Variants in MINDY2 observed in about 807,000 individuals in gnomAD.
MINDY2 encodes ubiquitin carboxyl-terminal hydrolase MINDY-2.
MINDY2 carries 52 observed loss-of-function variants against 68.2 expected under a neutral mutation model. The ratio of observed to expected loss-of-function variants is 0.76; its 90% CI spans 0.61 to 0.96. The LOEUF (loss-of-function observed/expected upper bound fraction) is 0.96. MINDY2 is among the 40% of genes least tolerant of loss of function. The pLI is 0.00. For synonymous variants in MINDY2, 372 were observed against 303.0 expected (o/e 1.23, Z -2.36); for missense variants, 881 against 773.4 (o/e 1.14, Z -1.65).
intron 3 of MINDY2, among the ~76,000 whole-genome samples, chr15:58,809,218 A>G (rs80076887): frequency 0.023 from 3,490 of 152,192 alleles, 44 homozygotes; most frequent in Middle Eastern, 0.037. Flanking sequence ...TATTCATCAA[A>G]CAACCCCCCT....
intron 1 of MINDY2, among the ~76,000 whole-genome samples, chr15:58,776,720 C>A (rs1486784527): frequency 6.6e-6 from 1 of 152,040 alleles, no homozygotes; most frequent in African/African-American, 2.4e-5. Flanking sequence ...GAGACAAGGT[C>A]ACGTTAAGAT....
intron 1 of MINDY2, among the ~76,000 whole-genome samples, chr15:58,780,891 C>G (rs1412724243): frequency 6.6e-6 from 1 of 152,090 alleles, no homozygotes; most frequent in Non-Finnish European, 1.5e-5. Context: ...TAGTAGCCTT[C>G]AAAATGGTCT....
chr15:58,792,521 G>A (rs192301832), intron 2 of MINDY2, among the ~76,000 whole-genome samples: 1 of 152,118 alleles, frequency 6.6e-6, no homozygotes, highest in Non-Finnish European at 1.5e-5. Context: ...CAGAAGAATC[G>A]CTTGAACCCG....
intron 2 of MINDY2, among the ~76,000 whole-genome samples, chr15:58,788,658 T>A (rs1901667789): frequency 6.6e-6 from 1 of 152,206 alleles, no homozygotes; most frequent in Admixed American, 6.6e-5. Context: ...ATTTATATAT[T>A]TATACTATCA....
chr15:58,850,386 G>A (rs1172293648), intron 7 of MINDY2, among the ~76,000 whole-genome samples: 1 of 152,108 alleles, frequency 6.6e-6, no homozygotes, highest in Non-Finnish European at 1.5e-5. Flanking sequence ...AAACATTACA[G>A]TAGTTTCACA....
chr15:58,802,488 T>C lies in MINDY2; in HGVS notation c.963+111T>C, dbSNP rs1902733919. On this transcript the variant is annotated intron_variant, in intron 3 of 8. Coordinates refer to ENST00000559228, the MANE Select transcript of MINDY2 (RefSeq NM_001040450.3). ...ATAAAGGATTAGATAGTAAACACTTTAGACTTTGCAAGCCACATGTGGTCA... is the reference window on the plus strand; with the variant it reads ...ATAAAGGATTAGATAGTAAACACTTCAGACTTTGCAAGCCACATGTGGTCA... 8.0e-6 allele frequency: 5 copies of C among 623,346 alleles called. No homozygotes were observed. The Admixed American group carries it at 1.1e-4, about 14-fold the overall frequency. 38.6% of individuals were successfully genotyped at this position (623,346 alleles called of 1,614,324 possible). A position where few individuals can be genotyped will look rare whatever the true frequency, so the allele number is the denominator to read the frequency against.
intron 4 of MINDY2, among the ~76,000 whole-genome samples, chr15:58,816,852 C>T (rs2030720753): frequency 6.6e-6 from 1 of 152,102 alleles, no homozygotes; most frequent in Admixed American, 6.6e-5. Context: ...ACTCAGGAGG[C>T]TGAGGTAGGA....
chr15:58,774,192 C>T (rs1165923533), intron 1 of MINDY2, among the ~76,000 whole-genome samples: 1 of 152,094 alleles, frequency 6.6e-6, no homozygotes, highest in African/African-American at 2.4e-5. Flanking sequence ...ACTAGAAATG[C>T]AAAGATGAGG....
chr15:58,803,945 G>GAAA (rs34082956), intron 3 of MINDY2, among the ~76,000 whole-genome samples: 57 of 77,230 alleles, frequency 7.4e-4, no homozygotes, highest in African/African-American at 2.7e-3. Flanking sequence ...CAGCTCTACT[G>GAAA]AAAAAAAAAA....
At position 58,848,750 on chromosome 15, in the gene MINDY2, C is replaced by CA. The variant is rs575954635; in HGVS notation, c.1542+1288dup. Among the ~76,000 whole-genome samples, 211 of 151,478 alleles carry CA rather than the reference C, an allele frequency of 1.4e-3. 1 individual carries two copies. Among genetic ancestry groups the CA allele is most frequent in the African/African-American group, 4.3e-3 (177 of 41,342 alleles). On this transcript the variant is annotated intron_variant, in intron 7 of 8. Transcript: ENST00000559228. ...AACAGAGCGAGACTCCATCTCAAAACAAAAAAAAGAATATTTAATTCAAAC... is the reference window on the plus strand; with the variant it reads ...AACAGAGCGAGACTCCATCTCAAAACAAAAAAAAAGAATATTTAATTCAAAC...
chr15:58,830,606 C>G (rs764056368), intron 5 of MINDY2, among the ~76,000 whole-genome samples: 1 of 152,136 alleles, frequency 6.6e-6, no homozygotes, highest in African/African-American at 2.4e-5. Flanking sequence ...CATGCCTGAA[C>G]GAAACCTATC....
intron 2 of MINDY2, among the ~76,000 whole-genome samples, chr15:58,790,993 C>T (rs1244388416): frequency 2.0e-5 from 3 of 151,586 alleles, no homozygotes; most frequent in Non-Finnish European, 4.4e-5. Context: ...TACTGGCTAA[C>T]ACGGTGAAAC....
chr15:58,823,961 A>T (rs1364727800), intron 5 of MINDY2, among the ~76,000 whole-genome samples: 6 of 152,330 alleles, frequency 3.9e-5, no homozygotes, highest in African/African-American at 1.4e-4. Context: ...TATCTACGGA[A>T]TCCTTCTTTT....
chr15:58,821,099 G>A (rs1443181627), intron 4 of MINDY2, among the ~76,000 whole-genome samples: 9 of 151,646 alleles, frequency 5.9e-5, no homozygotes, highest in East Asian at 3.8e-4. Context: ...TAAGTTTACT[G>A]TACTGCTGTA....
rs1189632057 is a variant in MINDY2 at position 58,861,661 on chromosome 15, A to C, written c.*7051A>C. ...GTTTCAAAACTTTCACTTTGGGAGG[A>C]TATTCCTTAAAAGGCATACATAGAT... On this transcript the variant is annotated 3_prime_UTR_variant, in exon 9 of 9. Transcript: ENST00000559228. 1 of 152,190 alleles carries C rather than the reference A, an allele frequency of 6.6e-6. No homozygotes were observed. The highest frequency in any genetic ancestry group is 1.9e-4 in the East Asian group (1 of 5,196). The allele number at this position is 152,190 out of a possible 1,614,324, so 9.4% of individuals were successfully genotyped here.
chr15:58,820,960 T>C (rs1400430429), intron 4 of MINDY2, among the ~76,000 whole-genome samples: 1 of 150,714 alleles, frequency 6.6e-6, no homozygotes, highest in Non-Finnish European at 1.5e-5. Flanking sequence ...AATATAAATA[T>C]ATTTTTATAT....
chr15:58,846,110 A>G (rs1028716266), intron 6 of MINDY2, among the ~76,000 whole-genome samples: 2 of 147,686 alleles, frequency 1.4e-5, no homozygotes, highest in Admixed American at 6.8e-5. Context: ...AAAAAAAAGA[A>G]AAAACAGAAT....
rs1436638793 is a variant in MINDY2, at chr15:58,831,863, G to A, written c.1315G>A (p.Glu439Lys). The stretch of plus-strand genomic sequence containing the variant: ...ACTAACTTCAACGGTTCAGGAAGGA[G>A]AACTTTGTGTGTTCTTTCGGAATAA... Reference protein sequence around the residue: ...CELTSTVQEGELCVFFRNNHF... With the variant: ...CELTSTVQEGKLCVFFRNNHF... Residue 439 changes from glutamate (E) to lysine (K), a missense_variant, in exon 6 of 9, where the codon GAA (glutamate) becomes AAA (lysine). Coordinates refer to ENST00000559228, the MANE Select transcript of MINDY2 (RefSeq NM_001040450.3). 1 of 1,613,704 alleles carries A rather than the reference G, an allele frequency of 6.2e-7. No individual in the cohort carries two copies. The highest frequency in any genetic ancestry group is 1.7e-5 in the Admixed American group (1 of 59,986).
chr15:58,782,406 A>G (rs1285457980), intron 1 of MINDY2, among the ~76,000 whole-genome samples: 6 of 152,166 alleles, frequency 3.9e-5, no homozygotes, highest in African/African-American at 9.7e-5. Context: ...CTGTGTTCCA[A>G]ATTCAACTCC....
Sources: gnomAD v4.1 joint callset for allele counts (sites outside exome capture counted in the v4.1 genomes callset) on GRCh38, gnomAD v4.1.1 for gene constraint, MANE v1.5 for transcripts, NCBI Gene and HGNC (gene_info 2026-07-23, HGNC 2026-07-21) for gene names.